The following EFNA5 variants were observed in gnomAD, a reference collection of about 807,000 sequenced individuals.
The protein encoded by EFNA5 is ephrin-A5.
Under a neutral mutation model 22.9 loss-of-function variants are expected in EFNA5, and 5 were observed. That is an observed-to-expected ratio of 0.22 (90% CI 0.11 to 0.46). The LOEUF (loss-of-function observed/expected upper bound fraction) is 0.46. Among genes scored for constraint, EFNA5 ranks in the 20% least tolerant of loss-of-function variants. The pLI is 0.99. For missense variants in EFNA5, 237 were observed against 293.3 expected (o/e 0.81, Z 1.40); for synonymous variants, 113 against 112.2 (o/e 1.01, Z -0.04).
chr5:107,466,683 T>C (rs921428972), intron 1 of EFNA5, among the ~76,000 whole-genome samples: 1 of 152,178 alleles, frequency 6.6e-6, no homozygotes, highest in Admixed American at 6.5e-5. Context: ...ACTCGGTGTC[T>C]ACAAGAGGAG....
intron 1 of EFNA5, among the ~76,000 whole-genome samples, chr5:107,492,616 G>A (rs1185356375): frequency 6.6e-6 from 1 of 152,100 alleles, no homozygotes; most frequent in Non-Finnish European, 1.5e-5. Context: ...TCACAGGCAA[G>A]ACTCCCATTA....
chr5:107,631,119 A>T (rs942593830), intron 1 of EFNA5, among the ~76,000 whole-genome samples: 1 of 152,166 alleles, frequency 6.6e-6, no homozygotes, highest in Non-Finnish European at 1.5e-5. Context: ...ATTATACTCA[A>T]AAATAATGAT....
chr5:107,550,650 T>C (rs957425568), intron 1 of EFNA5, among the ~76,000 whole-genome samples: 4 of 152,250 alleles, frequency 2.6e-5, no homozygotes, highest in African/African-American at 9.6e-5. Flanking sequence ...TGCACTTTAG[T>C]AGACATTTCT....
intron 1 of EFNA5, among the ~76,000 whole-genome samples, chr5:107,661,468 G>T (rs1466530867): frequency 6.6e-6 from 1 of 152,214 alleles, no homozygotes; most frequent in Non-Finnish European, 1.5e-5. Context: ...AACGCATCCT[G>T]CTACGATGGT....
intron 1 of EFNA5, among the ~76,000 whole-genome samples, chr5:107,575,324 A>T (rs757104037): frequency 3.3e-5 from 5 of 152,234 alleles, no homozygotes; most frequent in Non-Finnish European, 7.3e-5. Context: ...CTTTAAATCC[A>T]GAAAGCTAAG....
chr5:107,498,397 C>A (rs1252213436), intron 1 of EFNA5, among the ~76,000 whole-genome samples: 1 of 152,180 alleles, frequency 6.6e-6, no homozygotes, highest in Non-Finnish European at 1.5e-5. Context: ...TCACAAATTT[C>A]TTGATTCATG....
intron 1 of EFNA5, among the ~76,000 whole-genome samples, chr5:107,632,994 A>G (rs1750290576): frequency 1.3e-5 from 2 of 152,284 alleles, no homozygotes; most frequent in Middle Eastern, 3.4e-3. Context: ...TCTGGTTACA[A>G]GGGCACTTTT....
At chr5:107,586,072 G>A (rs1299547059) in intron 1 of EFNA5, among the ~76,000 whole-genome samples, 1 of 151,992 alleles carries the variant, frequency 6.6e-6, no homozygotes, top group Non-Finnish European at 1.5e-5. Flanking sequence ...GACTTATCTT[G>A]CCACTGGTCT....
Position 107,584,329 on chromosome 5 carries a change from A to T in EFNA5, c.125+86160T>A, listed in dbSNP as rs564790724. On this transcript the variant is annotated intron_variant, in intron 1 of 4. Coordinates refer to ENST00000333274, the MANE Select transcript of EFNA5 (RefSeq NM_001962.3). ...ATTTGCCTAAACCAACGGCCTCTAA[A>T]CGCCAAGGAGGCAAACTCACTGAAG... is the stretch of plus-strand genomic sequence containing the variant. 3.9e-5 allele frequency among the ~76,000 whole-genome samples: 6 copies of T among 152,288 alleles called. No individual in the cohort carries two copies. In the South Asian group the frequency reaches 1.0e-3, roughly 26 times the overall value.
At chr5:107,486,272 T>C (rs1746618265) in intron 1 of EFNA5, among the ~76,000 whole-genome samples, 1 of 152,202 alleles carries the variant, frequency 6.6e-6, no homozygotes, top group South Asian at 2.1e-4. Context: ...TTCAACCCTA[T>C]GTATATTCAC....
intron 1 of EFNA5, among the ~76,000 whole-genome samples, chr5:107,443,842 C>T (rs558803931): frequency 1.1e-4 from 17 of 152,168 alleles, no homozygotes; most frequent in African/African-American, 3.9e-4. Flanking sequence ...CAAACCTGCA[C>T]GTTCAGCACA....
intron 2 of EFNA5, among the ~76,000 whole-genome samples, chr5:107,392,144 G>A (rs1747807012): frequency 1.3e-5 from 2 of 152,126 alleles, no homozygotes; most frequent in African/African-American, 2.4e-5. Flanking sequence ...ATCCCTTCGG[G>A]TACTGCCATC....
At chr5:107,560,458 C>T (rs1748511892) in intron 1 of EFNA5, among the ~76,000 whole-genome samples, 1 of 152,174 alleles carries the variant, frequency 6.6e-6, no homozygotes, top group Admixed American at 6.5e-5. Context: ...GTGTTAAAAT[C>T]TAAGTAAAAA....
At chr5:107,448,831 C>CAATATATA (rs1749466399) in intron 1 of EFNA5, among the ~76,000 whole-genome samples, 1 of 128,126 alleles carries the variant, frequency 7.8e-6, no homozygotes, top group African/African-American at 3.0e-5. Flanking sequence ...CTCTGTCTCA[C>CAATATATA]AATAAATAAA....
chr5:107,423,385 G>T (rs1748721630), intron 2 of EFNA5, among the ~76,000 whole-genome samples: 1 of 145,746 alleles, frequency 6.9e-6, no homozygotes. Context: ...TCTAAATTGA[G>T]TATTTTTTAA....
chr5:107,457,475 TATG>T (rs1178000020), intron 1 of EFNA5, among the ~76,000 whole-genome samples: 1 of 152,200 alleles, frequency 6.6e-6, no homozygotes, highest in Non-Finnish European at 1.5e-5. Context: ...CTAGATTTCT[TATG>T]ATACCTAATA....
At chr5:107,667,916 A>T (rs925552849) in intron 1 of EFNA5, among the ~76,000 whole-genome samples, 15 of 152,298 alleles carry the variant, frequency 9.8e-5, no homozygotes, top group African/African-American at 1.4e-4. Context: ...GTTTGTGGAA[A>T]ACTGTTAGTT....
chr5:107,511,002 T>TTGTGTGTGTGTGTGTGTGTGTGTG (rs71644591), intron 1 of EFNA5, among the ~76,000 whole-genome samples: 9 of 140,300 alleles, frequency 6.4e-5, no homozygotes, highest in African/African-American at 2.5e-4. Context: ...TTCTTTTTCT[T>TTGTGTGTGTGTGTGTGTGTGTGTG]TGTGTGTGTG....
At chr5:107,592,985 T>C (rs952448120) in intron 1 of EFNA5, among the ~76,000 whole-genome samples, 1 of 152,194 alleles carries the variant, frequency 6.6e-6, no homozygotes, top group Admixed American at 6.5e-5. Flanking sequence ...TCAAATTTAA[T>C]GTTTCACAAA....
Sources: gnomAD v4.1 joint callset for allele counts (sites outside exome capture counted in the v4.1 genomes callset) on GRCh38, gnomAD v4.1.1 for gene constraint, MANE v1.5 for transcripts, NCBI Gene and HGNC (gene_info 2026-07-23, HGNC 2026-07-21) for gene names.